ST6GALNAC3: variants seen among roughly 807,000 people sequenced by gnomAD.
ST6GALNAC3 encodes the protein alpha-N-acetylgalactosaminide alpha-2,6-sialyltransferase 3.
ST6GALNAC3 carries 25 observed loss-of-function variants against 32.7 expected under a neutral mutation model. The observed-to-expected ratio is 0.76, with a 90% CI of 0.56 to 1.07. The LOEUF is 1.07. ST6GALNAC3 is among the 50% of genes least tolerant of loss of function. The pLI, the probability that ST6GALNAC3 is intolerant of heterozygous loss-of-function variation, is 0.00. For synonymous variants in ST6GALNAC3, 129 were observed against 133.1 expected, an observed-to-expected ratio of 0.97 and a Z score of 0.21; for missense variants, 355 against 382.4, an observed-to-expected ratio of 0.93 and a Z score of 0.60.
At chr1:76,601,629 C>T (rs1409205430) in intron 3 of ST6GALNAC3, among the ~76,000 whole-genome samples, 1 of 152,158 alleles carries the variant, frequency 6.6e-6, no homozygotes, top group Non-Finnish European at 1.5e-5. Context: ...CTCACAACAA[C>T]CTAATGAGGT....
At chr1:76,535,052 A>C (rs1016279720) in intron 3 of ST6GALNAC3, among the ~76,000 whole-genome samples, 5 of 152,184 alleles carry the variant, frequency 3.3e-5, no homozygotes, top group Non-Finnish European at 7.4e-5. Context: ...ATAATCTTCA[A>C]TGTAAAATCA....
intron 1 of ST6GALNAC3, among the ~76,000 whole-genome samples, chr1:76,141,094 G>C (rs1238390322): frequency 6.6e-6 from 1 of 152,074 alleles, no homozygotes. Context: ...ACCATGCTGG[G>C]ATGTCCCTGG....
rs189194048 is a variant in ST6GALNAC3 at position 76,466,397 on chromosome 1, G to A, written c.623+53980G>A. On this transcript the variant is annotated intron_variant, in intron 3 of 4. Transcript: ENST00000328299. ...GAGAATCCTGCACATAGCTCCCTAG[G>A]GTTCCTGAGAGAGCAATCCATGGAA... Among the ~76,000 whole-genome samples the A allele has an allele frequency of 2.0e-5, 3 of 151,998 alleles. No homozygotes were observed. The East Asian group carries it at 5.8e-4, about 29-fold the overall frequency.
At chr1:76,135,197 C>G (rs946581496) in intron 1 of ST6GALNAC3, among the ~76,000 whole-genome samples, 2 of 151,916 alleles carry the variant, frequency 1.3e-5, no homozygotes, top group Non-Finnish European at 2.9e-5. Flanking sequence ...TAATAAAAAA[C>G]TTGCTAATAT....
At chr1:76,394,508 A>T (rs1265231964) in intron 2 of ST6GALNAC3, among the ~76,000 whole-genome samples, 1 of 152,188 alleles carries the variant, frequency 6.6e-6, no homozygotes, top group Non-Finnish European at 1.5e-5. Context: ...CCAAAAAGAT[A>T]TAGAAAAGAT....
At chr1:76,516,366 T>C (rs1211782948) in intron 3 of ST6GALNAC3, among the ~76,000 whole-genome samples, 1 of 152,228 alleles carries the variant, frequency 6.6e-6, no homozygotes, top group East Asian at 1.9e-4. Flanking sequence ...GCATATGCTT[T>C]TCCTGTTTGC....
intron 3 of ST6GALNAC3, among the ~76,000 whole-genome samples, chr1:76,512,303 C>T (rs1245377079): frequency 2.6e-5 from 4 of 152,044 alleles, no homozygotes; most frequent in African/African-American, 9.7e-5. Flanking sequence ...AGAGTCTGTT[C>T]CTTTTTCTAT....
intron 3 of ST6GALNAC3, among the ~76,000 whole-genome samples, chr1:76,422,364 A>C (rs1655085729): frequency 6.6e-6 from 1 of 152,052 alleles, no homozygotes; most frequent in Admixed American, 6.6e-5. Flanking sequence ...TTGTTTTACA[A>C]AAAGGTGCTA....
rs1570550970 is a variant in ST6GALNAC3, at chr1:76,241,448, AGC to A, written c.19-72356_19-72355del. Among the ~76,000 whole-genome samples the A allele has an allele frequency of 3.9e-5, 6 of 152,134 alleles. No individual in the cohort carries two copies. The East Asian group carries it at 9.7e-4, about 25-fold the overall frequency. ...AAGTGCTAAGCTCCCTTAAACAACC[AGC>A]TCTAGCAGGAATGAAAACAGTGAGA... On this transcript the variant is annotated intron_variant, in intron 1 of 4. Coordinates refer to ENST00000328299, the MANE Select transcript of ST6GALNAC3 (RefSeq NM_152996.4).
intron 3 of ST6GALNAC3, among the ~76,000 whole-genome samples, chr1:76,490,939 A>T (rs1660461181): frequency 6.6e-6 from 1 of 151,676 alleles, no homozygotes; most frequent in African/African-American, 2.4e-5. Context: ...GCTCACCACA[A>T]CATCCACCTC....
chr1:76,209,957 T>C (rs1382447727), intron 1 of ST6GALNAC3, among the ~76,000 whole-genome samples: 9 of 152,146 alleles, frequency 5.9e-5, no homozygotes, highest in Non-Finnish European at 1.2e-4. Flanking sequence ...TAACGTTGTC[T>C]CCAGGGGCTC....
In ST6GALNAC3 at chr1:76,435,989, C is replaced by A. The variant is rs997979205; in HGVS notation, c.623+23572C>A. Among the ~76,000 whole-genome samples the A allele has an allele frequency of 2.0e-5, 3 of 152,026 alleles. No homozygotes were observed. The Middle Eastern group carries it at 0.01, about 521-fold the overall frequency. On this transcript the variant is annotated intron_variant, in intron 3 of 4. Transcript: ENST00000328299. ...ATCACCCAAACAGTACACACTGCAC[C>A]CAATTTGTAGTCTTTTATCCCTCAC...
rs553503235 is a variant in ST6GALNAC3 at position 76,530,030 on chromosome 1, A to G, written c.624-97422A>G. 6.1e-4 allele frequency among the ~76,000 whole-genome samples: 93 copies of G among 152,322 alleles called. 1 individual carries two copies. The South Asian group carries it at 0.018, about 29-fold the overall frequency. On this transcript the variant is annotated intron_variant, in intron 3 of 4. Transcript: ENST00000328299. ...GAGAGCGTTAATAAATAAGATGTGT[A>G]GTTACTTGGCTAGGATTCATGTATA...
intron 3 of ST6GALNAC3, among the ~76,000 whole-genome samples, chr1:76,441,623 A>T (rs1016507465): frequency 6.6e-6 from 1 of 152,210 alleles, no homozygotes; most frequent in East Asian, 1.9e-4. Context: ...TGTTACAAAC[A>T]ATCCAATTAC....
At chr1:76,571,105 G>A (rs1665832954) in intron 3 of ST6GALNAC3, among the ~76,000 whole-genome samples, 1 of 152,070 alleles carries the variant, frequency 6.6e-6, no homozygotes, top group Admixed American at 6.6e-5. Context: ...AGTTATCCAA[G>A]TGTCTTTTGC....
chr1:76,214,164 ATTTAAG>A (rs898795237), intron 1 of ST6GALNAC3, among the ~76,000 whole-genome samples: 40 of 152,282 alleles, frequency 2.6e-4, no homozygotes, highest in African/African-American at 8.7e-4. Context: ...GACTATTTAA[ATTTAAG>A]TTTAAGTTAA....
chr1:76,489,445 T>C (rs1557480747), intron 3 of ST6GALNAC3, among the ~76,000 whole-genome samples: 1 of 152,220 alleles, frequency 6.6e-6, no homozygotes, highest in South Asian at 2.1e-4. Context: ...TCTCTCTCTC[T>C]CCCTCTCGCT....
chr1:76,491,461 T>C (rs983960543), intron 3 of ST6GALNAC3, among the ~76,000 whole-genome samples: 3 of 152,132 alleles, frequency 2.0e-5, no homozygotes, highest in African/African-American at 4.8e-5. Flanking sequence ...TCTCTAGGAA[T>C]TGGGAGGTGG....
intron 1 of ST6GALNAC3, among the ~76,000 whole-genome samples, chr1:76,201,833 A>G (rs925832271): frequency 6.6e-6 from 1 of 152,180 alleles, no homozygotes; most frequent in Non-Finnish European, 1.5e-5. Context: ...ATACAAAAAG[A>G]CAAGACTATG....
Sources: gnomAD v4.1 joint callset for allele counts (sites outside exome capture counted in the v4.1 genomes callset) on GRCh38, gnomAD v4.1.1 for gene constraint, MANE v1.5 for transcripts, NCBI Gene and HGNC (gene_info 2026-07-23, HGNC 2026-07-21) for gene names.